Variants in KMT2A observed in about 807,000 individuals in gnomAD.
KMT2A encodes histone-lysine N-methyltransferase 2A.
In KMT2A, 16 loss-of-function variants were observed where a neutral mutation model predicts 345.3. That is an observed-to-expected ratio of 0.05 (90% confidence interval 0.03 to 0.07). The LOEUF is 0.07. KMT2A is among the 10% of genes least tolerant of loss of function. The probability of loss-of-function intolerance (pLI) is 1.00; values close to 1 mark genes in which losing one functional copy is unlikely to be tolerated. For missense variants in KMT2A, 3,272 were observed against 4,841.6 expected (o/e 0.68, Z 9.62); for synonymous variants, 1,599 against 1,778.6 (o/e 0.90, Z 2.54).
rs782717207 is a variant in KMT2A, at chr11:118,510,043, A to C, written c.10996A>C (p.Lys3666Gln). 3.7e-6 allele frequency: 6 copies of C among 1,613,840 alleles called. No homozygotes were observed. The African/African-American group carries it at 5.3e-5, about 14-fold the overall frequency. Residue 3666 changes from lysine (K) to glutamine (Q), a missense_variant, in exon 30 of 36, where the codon AAA becomes CAA. Transcript: ENST00000534358. This position sits in a 1 kb window ranked among gnomAD's most constrained non-coding sequence, Gnocchi z 4.1. ...EQKRKESITE[K>Q]KPKKGLVFEI... ...AAAGCGGAAGGAAAGCATTACTGAG[A>C]AAAAACCCAAGAAAGGACTTGTTTT... is the stretch of plus-strand genomic sequence containing the variant.
Position 118,493,008 on chromosome 11 carries a change from A to C in KMT2A, c.5005-49A>C. 1 of 1,436,024 alleles carries C rather than the reference A, an allele frequency of 7.0e-7. No individual in the cohort carries two copies. Among genetic ancestry groups the C allele is most frequent in the Non-Finnish European group, 9.7e-7 (1 of 1,032,142 alleles). 89.0% of individuals were successfully genotyped at this position (1,436,024 alleles called of 1,614,324 possible). ...TAATTTTAATAGAATTTACATGGAC[A>C]CCTTGGTTTTAGTGTTAGATAAAAG... On this transcript the variant is annotated intron_variant, in intron 15 of 35. Coordinates refer to ENST00000534358, the MANE Select transcript of KMT2A (RefSeq NM_001197104.2). This position sits in a 1 kb window ranked among gnomAD's most constrained non-coding sequence, Gnocchi z 5.8.
intron 27 of KMT2A, among the ~76,000 whole-genome samples, chr11:118,506,887 A>G (rs1157796144): frequency 6.6e-6 from 1 of 152,154 alleles, no homozygotes; most frequent in Admixed American, 6.5e-5. Context: ...TCTGATTTCA[A>G]ACAGTGTTGC....
chr11:118,503,444 C>T lies in KMT2A; in HGVS notation c.7552C>T (p.Pro2518Ser), dbSNP rs979762842. The change falls in exon 27 of 36, where the codon CCA (proline) becomes TCA (serine). Residue 2518 changes from proline to serine, a missense_variant. Around this residue, in one of 27 missense-constraint regions of KMT2A, gnomAD observed 445 missense variants for 500.9 expected, o/e 0.89. Coordinates refer to ENST00000534358, the MANE Select transcript of KMT2A (RefSeq NM_001197104.2). This position sits in a 1 kb window ranked among gnomAD's most constrained non-coding sequence, Gnocchi z 5.3. ...VEGSAKELQA[P>S]RKRTVKVTLT... ...AGGATCTGCCAAGGAATTACAGGCACCACGGAAACGCACAGTCAAAGTGAC... is the reference window on the plus strand; with the variant it reads ...AGGATCTGCCAAGGAATTACAGGCATCACGGAAACGCACAGTCAAAGTGAC... 9 of 1,613,906 alleles carry T rather than the reference C, an allele frequency of 5.6e-6. No homozygotes were observed. Among genetic ancestry groups the T allele is most frequent in the Non-Finnish European group, 7.6e-6 (9 of 1,179,954 alleles).
chr11:118,460,335 C>CT (rs35304075), intron 1 of KMT2A, among the ~76,000 whole-genome samples: 1 of 152,208 alleles, frequency 6.6e-6, no homozygotes, highest in African/African-American at 2.4e-5. Context: ...GTCACCCAGG[C>CT]TGGAGTGCAG....
intron 1 of KMT2A, among the ~76,000 whole-genome samples, chr11:118,445,858 C>G (rs1555027014): frequency 6.6e-6 from 1 of 151,558 alleles, no homozygotes; most frequent in African/African-American, 2.4e-5. Context: ...CAAAAATTAG[C>G]TGGGTGTGGT....
chr11:118,474,402 T>A lies in KMT2A; in HGVS notation c.3156+87T>A, dbSNP rs9332775. 5,912 of 1,466,224 alleles carry A rather than the reference T, an allele frequency of 4.0e-3. 183 individuals carry two copies. In the African/African-American group the frequency reaches 0.069, roughly 17 times the overall value. The allele number at this position is 1,466,224 out of a possible 1,614,324, so 90.8% of individuals were successfully genotyped here. A position where few individuals can be genotyped will look rare whatever the true frequency, so the allele number is the denominator to read the frequency against. Reference sequence around the variant, plus strand: ...TTTTAGGCTAAGTGGTTCAATTACATCCAGTTATGAGAACCAAGAAAAGTA... The same window carrying A: ...TTTTAGGCTAAGTGGTTCAATTACAACCAGTTATGAGAACCAAGAAAAGTA... On this transcript the variant is annotated intron_variant, in intron 3 of 35. Coordinates refer to ENST00000534358, the MANE Select transcript of KMT2A (RefSeq NM_001197104.2).
chr11:118,493,120 G>C lies in KMT2A; in HGVS notation c.5068G>C (p.Glu1690Gln), dbSNP rs781787241. Residue 1690 changes from glutamate to glutamine, a missense_variant, in exon 16 of 36, where the codon GAA (glutamate) becomes CAA (glutamine). By Grantham distance (29) the Glu-to-Gln change is conservative. Coordinates refer to ENST00000534358, the MANE Select transcript of KMT2A (RefSeq NM_001197104.2). This position sits in a 1 kb window ranked among gnomAD's most constrained non-coding sequence, Gnocchi z 5.8. ...EESIPSRSSP[E>Q]GPDPPVLTEV... The stretch of plus-strand genomic sequence containing the variant: ...GAGTATACCTTCCCGCAGCTCCCCC[G>C]AAGGACCTGATCCACCAGTTCTTAC... The C allele has an allele frequency of 6.2e-7, 1 of 1,614,006 alleles. No individual in the cohort carries two copies. The highest frequency in any genetic ancestry group is 1.7e-4 in the Middle Eastern group (1 of 6,060).
chr11:118,501,128 T>C lies in KMT2A; in HGVS notation c.6300T>C (p.His2100=). 4.3e-6 allele frequency: 7 copies of C among 1,613,936 alleles called. No homozygotes were observed. Among genetic ancestry groups the C allele is most frequent in the Non-Finnish European group, 2.5e-6 (3 of 1,179,932 alleles). The part of the protein sequence containing the change: ...VEHDENRTIA[H]SPTSFTESSS... ...ATGATGAAAACAGGACCATTGCCCA[T>C]AGTCCAACATCTTTTACAGGTTAGT... is the stretch of plus-strand genomic sequence containing the variant. Residue 2100 remains histidine, a synonymous_variant, in exon 25 of 36, where the codon CAT becomes CAC. Coordinates refer to ENST00000534358, the MANE Select transcript of KMT2A (RefSeq NM_001197104.2).
At position 118,491,697 on chromosome 11, in the gene KMT2A, TCTCA is replaced by T. The variant is rs551739095; in HGVS notation, c.4820-46_4820-43del. ...GGAATAGTTTCCTCTTCTTCCTCTC[TCTCA>T]TTCTTCAGAGGACCTCATCATGGTA... is the stretch of plus-strand genomic sequence containing the variant. On this transcript the variant is annotated intron_variant, in intron 14 of 35. Coordinates refer to ENST00000534358, the MANE Select transcript of KMT2A (RefSeq NM_001197104.2). The surrounding 1 kb of genome is among the most constrained non-coding windows in gnomAD (Gnocchi z 4.2). The T allele has an allele frequency of 5.0e-4, 701 of 1,415,674 alleles. 10 individuals are homozygous for T. The South Asian group carries it at 8.6e-3, about 17-fold the overall frequency. The allele number at this position is 1,415,674 out of a possible 1,614,324, so 87.7% of individuals were successfully genotyped here. A position where few individuals can be genotyped will look rare whatever the true frequency, so the allele number is the denominator to read the frequency against.
At chr11:118,446,368 A>G (rs1949421706) in intron 1 of KMT2A, among the ~76,000 whole-genome samples, 1 of 152,172 alleles carries the variant, frequency 6.6e-6, no homozygotes, top group Admixed American at 6.5e-5. Flanking sequence ...AAAAGAAAAG[A>G]AAAGAAAAGA....
rs1555043933 is a variant in KMT2A, at chr11:118,496,307, A to G, written c.5604A>G (p.Pro1868=). 6.2e-7 allele frequency: 1 copy of G among 1,613,864 alleles called. No individual in the cohort carries two copies. ...ACAGTCCAGAGCTGAACCCACCCCC[A>G]GGCATAGAAGACAATAGACAGTGTG... The part of the protein sequence containing the change: ...REDSPELNPP[P]GIEDNRQCAL... Residue 1868 remains proline (P), a synonymous_variant, in exon 20 of 36, where the codon CCA becomes CCG. Coordinates refer to ENST00000534358, the MANE Select transcript of KMT2A (RefSeq NM_001197104.2). This position sits in a 1 kb window ranked among gnomAD's most constrained non-coding sequence, Gnocchi z 4.7.
intron 7 of KMT2A, 150 bp from the exon 8 acceptor site, chr11:118,482,272 A>G (rs1307179851): frequency 6.6e-6 from 6 of 911,054 alleles, no homozygotes; most frequent in Non-Finnish European, 9.7e-6. Flanking sequence ...AAAAACAGTT[A>G]AATTGGAGGT....
At position 118,495,837 on chromosome 11, in the gene KMT2A, G is replaced by T; in HGVS notation, c.5501G>T (p.Gly1834Val). Residue 1834 changes from glycine to valine, a missense_variant, in exon 19 of 36, where the codon GGT becomes GTT. Physicochemically the swap from Gly to Val is moderately radical, Grantham distance 109. Coordinates refer to ENST00000534358, the MANE Select transcript of KMT2A (RefSeq NM_001197104.2). This position sits in a 1 kb window ranked among gnomAD's most constrained non-coding sequence, Gnocchi z 4.1. The part of the protein sequence containing the change: ...KKIIPAPKPK[G>V]PGEPDSPTPL... The stretch of plus-strand genomic sequence containing the variant: ...ATCATTCCAGCTCCCAAACCCAAAG[G>T]TCCTGGAGAACCAGACTCACCAACT... 4 of 1,613,970 alleles carry T rather than the reference G, an allele frequency of 2.5e-6. No homozygotes were observed. Among genetic ancestry groups the T allele is most frequent in the Non-Finnish European group, 3.4e-6 (4 of 1,179,988 alleles).
intron 1 of KMT2A, among the ~76,000 whole-genome samples, chr11:118,461,261 G>A (rs899242599): frequency 2.0e-5 from 3 of 152,112 alleles, no homozygotes; most frequent in Non-Finnish European, 2.9e-5. Context: ...TATGAATAAC[G>A]TGAATTTAGT....
Position 118,506,227 on chromosome 11 carries a change from T to C in KMT2A, c.10335T>C (p.Pro3445=), listed in dbSNP as rs782697858. 6.2e-7 allele frequency: 1 copy of C among 1,613,984 alleles called. No individual in the cohort carries two copies. Among genetic ancestry groups the C allele is most frequent in the Non-Finnish European group, 8.5e-7 (1 of 1,180,012 alleles). ...TQTTGITAAS[P]SGEADEHYQL... ...CTACGGGCATAACAGCCGCTTCACCTTCTGGGGAAGCAGACGAACACTATC... is the reference window on the plus strand; with the variant it reads ...CTACGGGCATAACAGCCGCTTCACCCTCTGGGGAAGCAGACGAACACTATC... Residue 3445 remains proline (P), a synonymous_variant, in exon 27 of 36, where the codon CCT becomes CCC. Transcript: ENST00000534358.
chr11:118,472,826 A>G lies in KMT2A; in HGVS notation c.1667A>G (p.Gln556Arg). The G allele has an allele frequency of 6.2e-7, 1 of 1,613,916 alleles. No homozygotes were observed. The highest frequency in any genetic ancestry group is 8.5e-7 in the Non-Finnish European group (1 of 1,179,972). ...ACTCTACAAAGTGCCCCCCAGCAGC[A>G]GACCTCCTCGTCTCCACCTCCACCT... Reference protein sequence around the residue: ...LSTLQSAPQQQTSSSPPPPLL... With the variant: ...LSTLQSAPQQRTSSSPPPPLL... Residue 556 changes from glutamine to arginine, a missense_variant, in exon 3 of 36, where the codon CAG becomes CGG. By Grantham distance (43) the Gln-to-Arg change is conservative. Transcript: ENST00000534358.
rs1555044338 is a variant in KMT2A at position 118,497,500 on chromosome 11, A to G, written c.5665-436A>G. ...AATCTCGGCTTCCGGGGCTCAAGTG[A>G]TCCTCCTACCTCAGCCTCCTGAGTA... On this transcript the variant is annotated intron_variant, in intron 20 of 35. Transcript: ENST00000534358. This position sits in a 1 kb window ranked among gnomAD's most constrained non-coding sequence, Gnocchi z 4.8. Among the ~76,000 whole-genome samples, 3 of 151,928 alleles carry G rather than the reference A, an allele frequency of 2.0e-5. No homozygotes were observed. In the South Asian group the frequency reaches 6.2e-4, roughly 32 times the overall value.
chr11:118,498,378 A>G lies in KMT2A; in HGVS notation c.5811A>G (p.Glu1937=). 6.2e-7 allele frequency: 1 copy of G among 1,608,060 alleles called. No homozygotes were observed. The highest frequency in any genetic ancestry group is 8.5e-7 in the Non-Finnish European group (1 of 1,178,428). The change falls in exon 22 of 36, where the codon GAA becomes GAG. Residue 1937 remains glutamate (E), a synonymous_variant. Coordinates refer to ENST00000534358, the MANE Select transcript of KMT2A (RefSeq NM_001197104.2). The surrounding 1 kb of genome is among the most constrained non-coding windows in gnomAD (Gnocchi z 4.4). ...AVIRGKQLRC[E]FCQKPGATVG... is the part of the protein sequence containing the mutation. ...TCTTTTTGGATTTTTAGAGATGTGAATTCTGCCAAAAGCCAGGAGCCACCG... is the reference window on the plus strand; with the variant it reads ...TCTTTTTGGATTTTTAGAGATGTGAGTTCTGCCAAAAGCCAGGAGCCACCG...
At position 118,478,482 on chromosome 11, in the gene KMT2A, A is replaced by G. The variant is rs372697144; in HGVS notation, c.3569+281A>G. On this transcript the variant is annotated intron_variant, in intron 5 of 35. Coordinates refer to ENST00000534358, the MANE Select transcript of KMT2A (RefSeq NM_001197104.2). ...AGTTCAGTATGCAGCCATTAGCCAC[A>G]TGTGGCTATTGAGCGCTTGACATGT... 3.0e-4 allele frequency among the ~76,000 whole-genome samples: 46 copies of G among 152,342 alleles called. 1 individual carries two copies. The East Asian group carries it at 7.9e-3, about 26-fold the overall frequency.
Sources: allele counts gnomAD v4.1 joint callset (sites outside exome capture counted in the v4.1 genomes callset), GRCh38; gene constraint gnomAD v4.1.1; regional missense constraint gnomAD v4.1.1; non-coding constraint Gnocchi (gnomAD v3.1); transcripts MANE v1.5; gene names NCBI Gene and HGNC (gene_info 2026-07-23, HGNC 2026-07-21).